Variants in TEC observed in about 807,000 individuals in gnomAD.
TEC encodes the protein tyrosine-protein kinase Tec.
Under a neutral mutation model 93.0 loss-of-function variants are expected in TEC, and 72 were observed. The ratio of observed to expected loss-of-function variants is 0.77; its 90% CI spans 0.64 to 0.94. The LOEUF is 0.94. Among genes scored for constraint, TEC ranks in the 40% least tolerant of loss-of-function variants. TEC has a pLI of 0.00. For synonymous variants in TEC, 249 were observed against 247.7 expected, an observed-to-expected ratio of 1.01 and a Z score of -0.05; for missense variants, 630 against 757.9, an observed-to-expected ratio of 0.83 and a Z score of 1.98.
chr4:48,236,369 C>T (rs1250287037), intron 1 of TEC, among the ~76,000 whole-genome samples: 3 of 151,968 alleles, frequency 2.0e-5, no homozygotes, highest in African/African-American at 4.8e-5. Flanking sequence ...GCAAGCTCCA[C>T]CTCCCGGGTT....
chr4:48,265,081 T>C (rs939659993), intron 1 of TEC, among the ~76,000 whole-genome samples: 2 of 151,946 alleles, frequency 1.3e-5, no homozygotes, highest in African/African-American at 4.8e-5. Context: ...ATTCAATCTG[T>C]GCAGGAAGGA....
At chr4:48,201,508 T>C in intron 2 of TEC, among the ~76,000 whole-genome samples, 1 of 151,910 alleles carries the variant, frequency 6.6e-6, no homozygotes, top group East Asian at 1.9e-4. Flanking sequence ...AGGGCAGCCC[T>C]GGAAGGAGAC....
intron 1 of TEC, among the ~76,000 whole-genome samples, chr4:48,263,484 C>A (rs1245802999): frequency 1.3e-5 from 2 of 152,170 alleles, no homozygotes; most frequent in Non-Finnish European, 2.9e-5. Context: ...GAGGCCAAGG[C>A]AGGCAGATCA....
chr4:48,245,319 T>C (rs1724026559), intron 1 of TEC, among the ~76,000 whole-genome samples: 1 of 151,294 alleles, frequency 6.6e-6, no homozygotes, highest in South Asian at 2.1e-4. Flanking sequence ...AATTAAACAT[T>C]GACTATAACT....
chr4:48,137,593 G>A (rs1719480938), intron 17 of TEC, 94 bp from the exon 18 acceptor site: 1 of 1,014,378 alleles, frequency 9.9e-7, no homozygotes, highest in Non-Finnish European at 1.5e-6. Flanking sequence ...ATATTACAGA[G>A]AGACTTCACT....
intron 2 of TEC, among the ~76,000 whole-genome samples, chr4:48,212,110 A>AAAAAAT: frequency 1.6e-4 from 19 of 122,264 alleles, no homozygotes; most frequent in Admixed American, 3.0e-4. Flanking sequence ...AAAAAAAAAA[A>AAAAAAT]ATATATATAT....
chr4:48,199,711 C>A (rs1722435196), intron 2 of TEC, among the ~76,000 whole-genome samples: 1 of 152,054 alleles, frequency 6.6e-6, no homozygotes. Context: ...TCGTGATCCA[C>A]CCGCCTCGGC....
At chr4:48,220,772 G>T (rs1723234493) in intron 2 of TEC, among the ~76,000 whole-genome samples, 1 of 152,164 alleles carries the variant, frequency 6.6e-6, no homozygotes. Context: ...CCAAATATGT[G>T]GCAGGGAGTG....
chr4:48,231,270 A>G (rs1723636710), intron 1 of TEC, among the ~76,000 whole-genome samples: 1 of 152,234 alleles, frequency 6.6e-6, no homozygotes, highest in African/African-American at 2.4e-5. Flanking sequence ...TTAACCCAAC[A>G]GCCAACTTAA....
At chr4:48,199,371 A>ATCATATTT (rs1233448378) in intron 2 of TEC, among the ~76,000 whole-genome samples, 1 of 150,518 alleles carries the variant, frequency 6.6e-6, no homozygotes, top group Non-Finnish European at 1.5e-5. Context: ...AAACAAATCT[A>ATCATATTT]TCATATTTTC....
intron 1 of TEC, among the ~76,000 whole-genome samples, chr4:48,243,656 G>C (rs1409163823): frequency 1.3e-5 from 2 of 152,190 alleles, no homozygotes; most frequent in East Asian, 3.8e-4. Flanking sequence ...CACAACAGAA[G>C]CTAACAATTT....
chr4:48,183,848 C>G (rs983092181), intron 2 of TEC, among the ~76,000 whole-genome samples: 2 of 152,066 alleles, frequency 1.3e-5, no homozygotes, highest in Non-Finnish European at 2.9e-5. Context: ...AACTCACTCC[C>G]CAAATAGTAG....
intron 1 of TEC, among the ~76,000 whole-genome samples, chr4:48,267,012 G>C (rs1724656398): frequency 1.3e-5 from 2 of 152,220 alleles, no homozygotes; most frequent in African/African-American, 4.8e-5. Flanking sequence ...ACAGTGGGAA[G>C]TCAACAGATA....
intron 1 of TEC, among the ~76,000 whole-genome samples, chr4:48,246,467 G>GA (rs34988086): frequency 3.8e-4 from 50 of 133,308 alleles, no homozygotes; most frequent in East Asian, 1.0e-3. Flanking sequence ...AAACTATCTT[G>GA]AAAAAAAAAA....
At chr4:48,148,916 C>T (rs1298597584) in intron 11 of TEC, among the ~76,000 whole-genome samples, 1 of 136,426 alleles carries the variant, frequency 7.3e-6, no homozygotes, top group Non-Finnish European at 1.7e-5. Context: ...TAAGAGAGAC[C>T]ATGTAGTATT....
intron 1 of TEC, among the ~76,000 whole-genome samples, chr4:48,246,864 C>T (rs1724069955): frequency 6.6e-6 from 1 of 152,096 alleles, no homozygotes. Context: ...TTAAATATGA[C>T]ATCAAAAGCA....
intron 2 of TEC, among the ~76,000 whole-genome samples, chr4:48,181,055 G>T (rs537468365): frequency 6.6e-6 from 1 of 152,098 alleles, no homozygotes; most frequent in African/African-American, 2.4e-5. Flanking sequence ...GGGGGCTAAC[G>T]GATTTTGAGT....
chr4:48,179,507 GCCC>G (rs1297271444), intron 2 of TEC, among the ~76,000 whole-genome samples: 1 of 147,868 alleles, frequency 6.8e-6, no homozygotes, highest in Non-Finnish European at 1.5e-5. Flanking sequence ...TCCTGCCTTA[GCCC>G]CCCAAGTAGC....
intron 9 of TEC, among the ~76,000 whole-genome samples, chr4:48,152,916 A>C (rs36065322): frequency 6.6e-6 from 1 of 152,236 alleles, no homozygotes; most frequent in African/African-American, 2.4e-5. Flanking sequence ...AAGGCTGGAA[A>C]CAATAACTAA....
Sources: allele counts gnomAD v4.1 joint callset (sites outside exome capture counted in the v4.1 genomes callset), GRCh38; gene constraint gnomAD v4.1.1; transcripts MANE v1.5; gene names NCBI Gene and HGNC (gene_info 2026-07-23, HGNC 2026-07-21).